Variants in PLPPR1 observed in about 807,000 individuals in gnomAD.
PLPPR1 encodes phospholipid phosphatase related 1.
A neutral mutation model predicts 33.1 loss-of-function variants in PLPPR1; 10 were observed. That is an observed-to-expected ratio of 0.30 (90% confidence interval 0.19 to 0.51). The LOEUF (loss-of-function observed/expected upper bound fraction) is 0.51. Ranked by LOEUF, PLPPR1 falls within the 20% of genes least tolerant of loss-of-function variation. PLPPR1 has a pLI of 0.97. For synonymous variants in PLPPR1, 151 were observed against 151.0 expected (o/e 1.00, Z 0.00); for missense variants, 304 against 408.1 (o/e 0.74, Z 2.20).
chr9:101,269,802 G>A, intron 2 of PLPPR1, 78 bp from the exon 3 acceptor site: 1 of 1,369,906 alleles, frequency 7.3e-7, no homozygotes, highest in Non-Finnish European at 1.0e-6. Flanking sequence ...CTGGGGTGAT[G>A]GAGGGAGTGT....
intron 1 of PLPPR1, among the ~76,000 whole-genome samples, chr9:101,114,628 G>A (rs189252012): frequency 2.9e-4 from 44 of 152,328 alleles, no homozygotes; most frequent in Admixed American, 9.8e-4. Context: ...ACAGGCCAAC[G>A]CCTCAGGACA....
chr9:101,274,471 T>C (rs969042381), intron 3 of PLPPR1, among the ~76,000 whole-genome samples: 6 of 152,206 alleles, frequency 3.9e-5, no homozygotes, highest in African/African-American at 1.4e-4. Flanking sequence ...CCAGGGCTGA[T>C]TGCAGCTGAT....
intron 1 of PLPPR1, among the ~76,000 whole-genome samples, chr9:101,177,433 A>T (rs1348889976): frequency 6.6e-6 from 1 of 152,196 alleles, no homozygotes; most frequent in Admixed American, 6.5e-5. Context: ...ATAGAAACAA[A>T]ACTGATGTAT....
chr9:101,054,083 C>T (rs1015864836), intron 1 of PLPPR1, among the ~76,000 whole-genome samples: 12 of 152,058 alleles, frequency 7.9e-5, no homozygotes, highest in African/African-American at 2.9e-4. Flanking sequence ...ACTCAGGAGG[C>T]TGAGTCAGGA....
intron 1 of PLPPR1, among the ~76,000 whole-genome samples, chr9:101,169,727 ATAATC>A (rs567645828): frequency 9.2e-4 from 140 of 152,296 alleles, no homozygotes; most frequent in Non-Finnish European, 1.6e-3. Context: ...TTTTTAAAAA[ATAATC>A]TAAAGTGATT....
At chr9:101,276,218 G>T (rs1457227682) in intron 3 of PLPPR1, among the ~76,000 whole-genome samples, 9 of 151,130 alleles carry the variant, frequency 6.0e-5, no homozygotes, top group Admixed American at 5.9e-4. Flanking sequence ...ATTATCACAT[G>T]ACTTCCTTTT....
In PLPPR1 at chr9:101,185,475, C is replaced by A. The variant is rs762641094; in HGVS notation, c.-20C>A. On this transcript the variant is annotated 5_prime_UTR_variant, in exon 2 of 8. Coordinates refer to ENST00000374874, the MANE Select transcript of PLPPR1 (RefSeq NM_207299.2). ...CCTGGACAGTTTTTGACGGTGCAGT[C>A]TTGCTATATGGTGTGAGAAATGGCT... 7.1e-6 allele frequency: 11 copies of A among 1,557,788 alleles called. No homozygotes were observed. In the Admixed American group the frequency reaches 1.9e-4, roughly 26 times the overall value.
At chr9:101,267,061 G>A (rs1170099598) in intron 2 of PLPPR1, among the ~76,000 whole-genome samples, 2 of 152,284 alleles carry the variant, frequency 1.3e-5, no homozygotes, top group Non-Finnish European at 2.9e-5. Context: ...CCACATGGAT[G>A]AGACACATGA....
intron 1 of PLPPR1, among the ~76,000 whole-genome samples, chr9:101,184,004 A>G (rs1864661): frequency 0.15 from 22,169 of 151,650 alleles, 2,588 homozygotes; most frequent in East Asian, 0.62. Flanking sequence ...CATAAATACT[A>G]AGTAAATTCT....
chr9:101,289,607 GA>G (rs1282033160), intron 4 of PLPPR1, among the ~76,000 whole-genome samples: 1 of 152,178 alleles, frequency 6.6e-6, no homozygotes, highest in Non-Finnish European at 1.5e-5. Context: ...TCATGGTAGT[GA>G]ATAAGTCTCA....
At chr9:101,317,555 T>C (rs1428307458) in intron 7 of PLPPR1, 59 bp downstream of exon 7, 2 of 1,514,154 alleles carry the variant, frequency 1.3e-6, no homozygotes, top group Non-Finnish European at 1.8e-6. Context: ...GGGAGGTCAG[T>C]ATCAATCCAT....
chr9:101,125,491 C>A, intron 1 of PLPPR1: 1 of 323,270 alleles, frequency 3.1e-6, no homozygotes, highest in Non-Finnish European at 5.9e-6. Flanking sequence ...ATGCTTTAAG[C>A]TTCAGCAAGA....
intron 6 of PLPPR1, among the ~76,000 whole-genome samples, chr9:101,315,279 G>C (rs1450758220): frequency 6.6e-6 from 1 of 152,024 alleles, no homozygotes; most frequent in Non-Finnish European, 1.5e-5. Flanking sequence ...ATTTTTTTAA[G>C]AAGGAAAGAA....
chr9:101,316,996 T>G (rs1401845980), intron 6 of PLPPR1, among the ~76,000 whole-genome samples: 1 of 152,160 alleles, frequency 6.6e-6, no homozygotes, highest in African/African-American at 2.4e-5. Context: ...TTGGGTGGGT[T>G]AAGTGAAATT....
chr9:101,179,382 A>C (rs1826065906), intron 1 of PLPPR1, among the ~76,000 whole-genome samples: 1 of 152,176 alleles, frequency 6.6e-6, no homozygotes, highest in Admixed American at 6.6e-5. Context: ...AGCTATGACC[A>C]CTTGACCAGC....
In PLPPR1 at chr9:101,056,645, C is replaced by T. The variant is rs1212241261; in HGVS notation, c.-46+27543C>T. On this transcript the variant is annotated intron_variant, in intron 1 of 7. Transcript: ENST00000374874. Reference sequence around the variant, plus strand: ...AAACAAGATGAGAGTGAAATCATCACAGAATATAGCCTGAGTAGGGCAAAT... The same window carrying T: ...AAACAAGATGAGAGTGAAATCATCATAGAATATAGCCTGAGTAGGGCAAAT... 2.0e-5 allele frequency among the ~76,000 whole-genome samples: 3 copies of T among 152,128 alleles called. No homozygotes were observed. In the South Asian group the frequency reaches 6.2e-4, roughly 31 times the overall value.
chr9:101,314,952 G>T (rs1829026227), intron 6 of PLPPR1, among the ~76,000 whole-genome samples: 1 of 151,446 alleles, frequency 6.6e-6, no homozygotes, highest in Admixed American at 6.5e-5. Context: ...CTTTCCTGAG[G>T]AACGCCTTTT....
chr9:101,085,838 C>A (rs1402412671), intron 1 of PLPPR1, among the ~76,000 whole-genome samples: 1 of 151,956 alleles, frequency 6.6e-6, no homozygotes, highest in African/African-American at 2.4e-5. Context: ...CTTGGGGTTC[C>A]ACTTCCCTCA....
chr9:101,138,563 A>G (rs1226381382), intron 1 of PLPPR1, among the ~76,000 whole-genome samples: 1 of 152,198 alleles, frequency 6.6e-6, no homozygotes, highest in Non-Finnish European at 1.5e-5. Context: ...ATCAAGATAC[A>G]AGATTGGTCC....
Sources: gnomAD v4.1 joint callset for allele counts (sites outside exome capture counted in the v4.1 genomes callset) on GRCh38, gnomAD v4.1.1 for gene constraint, MANE v1.5 for transcripts, NCBI Gene and HGNC (gene_info 2026-07-23, HGNC 2026-07-21) for gene names.